Variants in NUP210L observed in about 807,000 individuals in gnomAD.
NUP210L encodes nucleoporin 210 like, also known as nuclear pore membrane glycoprotein 210-like.
Under a neutral mutation model 208.5 loss-of-function variants are expected in NUP210L, and 74 were observed. The observed-to-expected ratio is 0.35, with a 90% confidence interval of 0.29 to 0.43. The LOEUF (loss-of-function observed/expected upper bound fraction) is 0.43, where lower values mean the gene tolerates loss of function less well. Among genes scored for constraint, NUP210L ranks in the 20% least tolerant of loss-of-function variants. The pLI is 1.00. For missense variants in NUP210L, 1,843 were observed against 2,289.4 expected, an observed-to-expected ratio of 0.81 and a Z score of 3.98; for synonymous variants, 780 against 816.9, an observed-to-expected ratio of 0.95 and a Z score of 0.77.
intron 16 of NUP210L, among the ~76,000 whole-genome samples, chr1:154,074,869 C>T (rs1165997596): frequency 6.6e-6 from 1 of 152,176 alleles, no homozygotes; most frequent in Non-Finnish European, 1.5e-5. Context: ...AGATTTCTTA[C>T]ATGCATGTAT....
intron 35 of NUP210L, among the ~76,000 whole-genome samples, chr1:154,008,973 G>C (rs1557910536): frequency 2.6e-5 from 4 of 151,386 alleles, no homozygotes; most frequent in Admixed American, 2.0e-4. Context: ...GCAGTGGTGT[G>C]ATTTTGGCTC....
chr1:154,060,753 A>G, intron 19 of NUP210L, 112 bp from the exon 20 acceptor site: 1 of 820,596 alleles, frequency 1.2e-6, no homozygotes, highest in Middle Eastern at 2.5e-4. Context: ...ATTAAAGTGA[A>G]TAGACAAAAG....
At chr1:154,091,701 A>G (rs1262590947) in intron 15 of NUP210L, among the ~76,000 whole-genome samples, 1 of 151,172 alleles carries the variant, frequency 6.6e-6, no homozygotes, top group African/African-American at 2.4e-5. Context: ...GGGTTTCACC[A>G]TATTGGCCAG....
In NUP210L at chr1:154,127,303, T is replaced by G; in HGVS notation, c.1185+8A>C. Reference sequence around the variant, plus strand: ...AGGAGCTCAGAAAAATAAAAAAGACTGACTCACATCTGAAATATAGACCTT... The same window carrying G: ...AGGAGCTCAGAAAAATAAAAAAGACGGACTCACATCTGAAATATAGACCTT... On this transcript the variant is annotated splice_region_variant and intron_variant, in intron 9 of 39. Coordinates refer to ENST00000368559, the Ensembl canonical transcript of NUP210L. 7.1e-7 allele frequency: 1 copy of G among 1,402,280 alleles called. No homozygotes were observed. Among genetic ancestry groups the G allele is most frequent in the South Asian group, 1.2e-5 (1 of 83,366 alleles). The allele number at this position is 1,402,280 out of a possible 1,614,324, so 86.9% of individuals were successfully genotyped here.
In NUP210L at chr1:153,992,970, G is replaced by T. The variant is rs371401299; in HGVS notation, c.5567-35C>A. ...GAGGGAAAAGTTGAGTGAATTAAAC[G>T]TGTGTATCTGAGCTTTTCAAAGATG... On this transcript the variant is annotated intron_variant, in intron 39 of 39. Coordinates refer to ENST00000368559, the Ensembl canonical transcript of NUP210L. 2.9e-5 allele frequency: 47 copies of T among 1,606,488 alleles called. No homozygotes were observed. In the East Asian group the frequency reaches 8.3e-4, roughly 28 times the overall value.
chr1:154,092,155 A>C lies in NUP210L; in HGVS notation c.2188-2561T>G, dbSNP rs536838318. ...CAGTGGCATGATCTCGGCTCATTGT[A>C]AGCTCCGCCTTCCGGATTCACGCCA... On this transcript the variant is annotated intron_variant, in intron 15 of 39. Coordinates refer to ENST00000368559, the Ensembl canonical transcript of NUP210L. Among the ~76,000 whole-genome samples, 11 of 144,392 alleles carry C rather than the reference A, an allele frequency of 7.6e-5. No individual in the cohort carries two copies. In the East Asian group the frequency reaches 1.8e-3, roughly 24 times the overall value. The allele number at this position is 144,392 out of a possible 152,430, so 94.7% of individuals were successfully genotyped here.
intron 12 of NUP210L, among the ~76,000 whole-genome samples, chr1:154,114,742 G>A (rs375349616): frequency 8.1e-4 from 121 of 149,592 alleles, no homozygotes; most frequent in African/African-American, 2.8e-3. Flanking sequence ...CTACAGGCAT[G>A]TGCCACTATG....
At chr1:154,034,853 T>A (rs954650001) in intron 27 of NUP210L, among the ~76,000 whole-genome samples, 1 of 151,508 alleles carries the variant, frequency 6.6e-6, no homozygotes, top group African/African-American at 2.4e-5. Context: ...CTTTTTTTTT[T>A]TTTTTTGAGA....
chr1:154,084,466 C>A (rs906878978), intron 16 of NUP210L, among the ~76,000 whole-genome samples: 1 of 152,028 alleles, frequency 6.6e-6, no homozygotes, highest in Non-Finnish European at 1.5e-5. Context: ...CCCACGTCAG[C>A]CTCCCAAAGT....
At chr1:154,127,327 T>A in exon 9 of NUP210L, 2 of 1,569,526 alleles carry the variant, frequency 1.3e-6, no homozygotes, top group Non-Finnish European at 1.8e-6. Flanking sequence ...AATATAGACC[T>A]TTGTGCTGCT....
chr1:153,993,223 T>G (rs1377868859), intron 38 of NUP210L, 134 bp from the exon 39 acceptor site: 2 of 594,808 alleles, frequency 3.4e-6, no homozygotes, highest in Non-Finnish European at 5.7e-6. Context: ...TTACAGGAAG[T>G]TTTTATCCCA....
chr1:153,995,816 A>T, intron 37 of NUP210L: 1 of 632,194 alleles, frequency 1.6e-6, no homozygotes, highest in South Asian at 1.4e-5. Context: ...GTAAAACCTG[A>T]AGTTCTTACG....
chr1:154,067,769 G>A (rs1333221415), intron 17 of NUP210L, among the ~76,000 whole-genome samples: 11 of 152,110 alleles, frequency 7.2e-5, no homozygotes. Context: ...AAATCAATGT[G>A]CAAAAATCAC....
chr1:154,021,345 G>A (rs953611661), intron 32 of NUP210L, among the ~76,000 whole-genome samples: 3 of 152,096 alleles, frequency 2.0e-5, no homozygotes, highest in Non-Finnish European at 2.9e-5. Context: ...AAATTAGCCA[G>A]GCGTGGTGTT....
chr1:154,147,995 C>A (rs1372978960), intron 2 of NUP210L, among the ~76,000 whole-genome samples: 4 of 142,456 alleles, frequency 2.8e-5, no homozygotes, highest in African/African-American at 1.0e-4. Context: ...CACGGTGGCT[C>A]ACACCTGTAA....
intron 10 of NUP210L, among the ~76,000 whole-genome samples, chr1:154,120,130 T>C (rs889545111): frequency 2.6e-5 from 4 of 152,210 alleles, no homozygotes; most frequent in Non-Finnish European, 5.9e-5. Flanking sequence ...TGATTTGCAT[T>C]TCTCTGATGG....
At chr1:154,046,399 G>A (rs1571209720) in intron 25 of NUP210L, 30 bp from the exon 26 acceptor site, 2 of 1,583,832 alleles carry the variant, frequency 1.3e-6, no homozygotes, top group Non-Finnish European at 1.7e-6. Flanking sequence ...GCAAGCTTAG[G>A]CTAAGAGGGA....
At chr1:154,005,068 G>C (rs1650439677) in intron 35 of NUP210L, among the ~76,000 whole-genome samples, 1 of 150,240 alleles carries the variant, frequency 6.7e-6, no homozygotes, top group Non-Finnish European at 1.5e-5. Flanking sequence ...TGGTCAGGCT[G>C]GTCTCAACTC....
chr1:154,093,691 T>TA (rs1656041232), intron 15 of NUP210L, among the ~76,000 whole-genome samples: 1 of 152,198 alleles, frequency 6.6e-6, no homozygotes, highest in South Asian at 2.1e-4. Context: ...CTTATCAAGT[T>TA]AAAATCTTAC....
Sources: gnomAD v4.1 joint callset for allele counts (sites outside exome capture counted in the v4.1 genomes callset) on GRCh38, gnomAD v4.1.1 for gene constraint, MANE v1.5 for transcripts, NCBI Gene and HGNC (gene_info 2026-07-23, HGNC 2026-07-21) for gene names.